DRC7: variants seen among roughly 807,000 people sequenced by gnomAD.
DRC7 encodes the protein dynein regulatory complex subunit 7.
A neutral mutation model predicts 104.4 loss-of-function variants in DRC7; 80 were observed. That is an observed-to-expected ratio of 0.77 (90% confidence interval 0.64 to 0.92). The LOEUF (loss-of-function observed/expected upper bound fraction) is 0.92. Ranked by LOEUF, DRC7 falls within the 40% of genes least tolerant of loss-of-function variation. The pLI is 0.00. For synonymous variants in DRC7, 405 were observed against 447.3 expected (o/e 0.91, Z 1.19); for missense variants, 1,034 against 1,141.1 (o/e 0.91, Z 1.35).
chr16:57,722,924 C>A, intron 11 of DRC7, 78 bp from the exon 12 acceptor site: 1 of 1,612,484 alleles, frequency 6.2e-7, no homozygotes, highest in South Asian at 1.1e-5. Flanking sequence ...CATTGCTGGC[C>A]TCTGTGTGCC....
At chr16:57,705,179 G>C in intron 7 of DRC7, 145 bp downstream of exon 7, 1 of 956,248 alleles carries the variant, frequency 1.0e-6, no homozygotes. Flanking sequence ...CCTCTACCTG[G>C]CCCTGCAGGA....
rs757094425 is a variant in DRC7 at position 57,726,081 on chromosome 16, G to C, written c.1772G>C (p.Arg591Pro). 5.6e-6 allele frequency: 9 copies of C among 1,613,124 alleles called. No individual in the cohort carries two copies. Among genetic ancestry groups the C allele is most frequent in the Admixed American group, 1.7e-5 (1 of 59,996 alleles). The part of the protein sequence containing the change: ...NPRPIVKITE[R>P]FFRNPAKPAE... ...CTGGCCTCCCAGAAAATCACAGAGC[G>C]GTTCTTCCGCAACCCAGCGAAGCCC... Residue 591 changes from arginine (R) to proline (P), a missense_variant, in exon 14 of 19, where the codon CGG (arginine) becomes CCG (proline). Physicochemically the swap from Arg to Pro is moderately radical, Grantham distance 103 (BLOSUM62 -2). Transcript: ENST00000360716.
Position 57,726,153 on chromosome 16 carries a change from G to A in DRC7, c.1844G>A (p.Arg615His), listed in dbSNP as rs766595161. ...CGCGTGTTTCTGGTCGCGGAGGAGC[G>A]CATCCAGCTGCGCTACCACTGCCGT... ...AERVFLVAEE[R>H]IQLRYHCRED... The change falls in exon 14 of 19, where the codon CGC (arginine) becomes CAC (histidine). Residue 615 changes from arginine to histidine, a missense_variant. Physicochemically the swap from Arg to His is conservative, Grantham distance 29. Coordinates refer to ENST00000360716, the MANE Select transcript of DRC7 (RefSeq NM_001289162.2). 13 of 1,613,074 alleles carry A rather than the reference G, an allele frequency of 8.1e-6. No homozygotes were observed. Among genetic ancestry groups the A allele is most frequent in the Non-Finnish European group, 1.1e-5 (13 of 1,180,004 alleles).
intron 9 of DRC7, among the ~76,000 whole-genome samples, chr16:57,718,882 G>A (rs780238405): frequency 6.6e-6 from 1 of 152,092 alleles, no homozygotes; most frequent in Non-Finnish European, 1.5e-5. Flanking sequence ...CCAGCTACTT[G>A]GGAGGCTGAG....
chr16:57,707,687 G>A lies in DRC7; in HGVS notation c.1077+9G>A, dbSNP rs750669256. 2 of 1,612,204 alleles carry A rather than the reference G, an allele frequency of 1.2e-6. No individual in the cohort carries two copies. Among genetic ancestry groups the A allele is most frequent in the Non-Finnish European group, 1.7e-6 (2 of 1,179,424 alleles). On this transcript the variant is annotated intron_variant, in intron 8 of 18. Transcript: ENST00000360716. ...GCTGGAACTGCTGCAAGGTGCCTAG[G>A]GAGGGGGAGCTGGGTGGGTGTGGCA... is the stretch of plus-strand genomic sequence containing the variant.
chr16:57,729,334 ATGGATGGG>A (rs2049017501), intron 17 of DRC7, among the ~76,000 whole-genome samples: 3 of 112,134 alleles, frequency 2.7e-5, no homozygotes, highest in African/African-American at 9.8e-5. Flanking sequence ...GGGTGGATGG[ATGGATGGG>A]TGGATGAGTG....
chr16:57,728,090 A>G (rs1486472815), intron 16 of DRC7, among the ~76,000 whole-genome samples: 16 of 152,272 alleles, frequency 1.1e-4, no homozygotes, highest in African/African-American at 3.9e-4. Context: ...ATGGATTGTC[A>G]GGCATCAGGC....
chr16:57,697,860 G>A lies in DRC7; in HGVS notation c.-37-53G>A, dbSNP rs977199390. ...CGGGGATGCCCAGATGGTGTTGGTGGCTCCTGCCTGGGCTGACAGTCGGCC... is the reference window on the plus strand; with the variant it reads ...CGGGGATGCCCAGATGGTGTTGGTGACTCCTGCCTGGGCTGACAGTCGGCC... On this transcript the variant is annotated intron_variant, in intron 2 of 18. Transcript: ENST00000360716. 2.8e-5 allele frequency: 43 copies of A among 1,530,606 alleles called. No homozygotes were observed. In the Admixed American group the frequency reaches 8.5e-4, roughly 30 times the overall value. The allele number at this position is 1,530,606 out of a possible 1,614,324, so 94.8% of individuals were successfully genotyped here. A position where few individuals can be genotyped will look rare whatever the true frequency, so the allele number is the denominator to read the frequency against.
At chr16:57,725,914 T>G in intron 13 of DRC7, 154 bp from the exon 14 acceptor site, 1 of 660,854 alleles carries the variant, frequency 1.5e-6, no homozygotes, top group Non-Finnish European at 2.7e-6. Flanking sequence ...ACGAAATCCA[T>G]TGTCTGGCTA....
Position 57,701,981 on chromosome 16 carries a change from G to A in DRC7, c.550G>A (p.Gly184Arg), listed in dbSNP as rs2048663474. 3.7e-6 allele frequency: 6 copies of A among 1,614,174 alleles called. No homozygotes were observed. The highest frequency in any genetic ancestry group is 5.1e-6 in the Non-Finnish European group (6 of 1,180,026). Residue 184 changes from glycine (G) to arginine (R), a missense_variant, in exon 6 of 19, where the codon GGG becomes AGG. Coordinates refer to ENST00000360716, the MANE Select transcript of DRC7 (RefSeq NM_001289162.2). ...GACCACTGTGCTCAAGTACCAGAAG[G>A]GGAACTGCTTTGACTTCAGTACGCT... is the stretch of plus-strand genomic sequence containing the variant. ...SSTTVLKYQK[G>R]NCFDFSTLLC...
At chr16:57,714,750 C>A in intron 8 of DRC7, 2 of 448,074 alleles carry the variant, frequency 4.5e-6, no homozygotes, top group South Asian at 3.4e-5. Flanking sequence ...GTATGTTGAC[C>A]TATCCCTTTG....
intron 8 of DRC7, 66 bp downstream of exon 8, chr16:57,707,744 G>C (rs779502865): frequency 7.0e-7 from 1 of 1,432,412 alleles, no homozygotes; most frequent in Non-Finnish European, 9.7e-7. Flanking sequence ...ATAGAGGGAA[G>C]CAATGGCAGC....
chr16:57,723,257 A>G lies in DRC7; in HGVS notation c.1537+127A>G, dbSNP rs1467052149. 4.4e-6 allele frequency: 5 copies of G among 1,143,542 alleles called. No homozygotes were observed. In the African/African-American group the frequency reaches 7.8e-5, roughly 18 times the overall value. The allele number at this position is 1,143,542 out of a possible 1,614,324, so 70.8% of individuals were successfully genotyped here. A position where few individuals can be genotyped will look rare whatever the true frequency, so the allele number is the denominator to read the frequency against. On this transcript the variant is annotated intron_variant, in intron 12 of 18. Transcript: ENST00000360716. The stretch of plus-strand genomic sequence containing the variant: ...ATACATGGGTTCTTGGGCAGCAAGC[A>G]GTAGAAGCTGCCCTGCCTCCCTCAG...
intron 1 of DRC7, among the ~76,000 whole-genome samples, chr16:57,695,710 G>A (rs1196087460): frequency 1.3e-5 from 2 of 152,222 alleles, no homozygotes; most frequent in Non-Finnish European, 2.9e-5. Flanking sequence ...GTCCCCTCCT[G>A]AGTCCCAGAG....
chr16:57,699,858 G>A (rs1415561339), intron 4 of DRC7, among the ~76,000 whole-genome samples: 1 of 152,180 alleles, frequency 6.6e-6, no homozygotes, highest in East Asian at 1.9e-4. Context: ...AAACTTCAAA[G>A]CCCTTCAAAG....
intron 7 of DRC7, among the ~76,000 whole-genome samples, chr16:57,705,990 C>G (rs1277066105): frequency 7.2e-6 from 1 of 139,812 alleles, no homozygotes; most frequent in African/African-American, 2.7e-5. Context: ...ACCATCCTCC[C>G]ATCCATCCAT....
chr16:57,701,564 T>C (rs1358299227), intron 5 of DRC7: 1 of 174,736 alleles, frequency 5.7e-6, no homozygotes, highest in Non-Finnish European at 1.2e-5. Flanking sequence ...AAGGGCAAGG[T>C]CAACAGTGGA....
chr16:57,705,015 A>T lies in DRC7; in HGVS notation c.839A>T (p.Glu280Val), dbSNP rs539625603. The T allele has an allele frequency of 5.6e-6, 9 of 1,612,262 alleles. 1 individual carries two copies. The South Asian group carries it at 9.9e-5, about 18-fold the overall frequency. ...GCCCAGGAGAAGAAGCGGCTGAGGG[A>T]GGAGGAGGAGCGCCTCATGGTGGGT... The part of the protein sequence containing the change: ...IRAQEKKRLR[E>V]EEERLMEAEK... The change falls in exon 7 of 19, where the codon GAG becomes GTG. Residue 280 changes from glutamate (E) to valine (V), a missense_variant. Physicochemically the swap from Glu to Val is moderately radical, Grantham distance 121 (BLOSUM62 -2). Coordinates refer to ENST00000360716, the MANE Select transcript of DRC7 (RefSeq NM_001289162.2).
chr16:57,705,501 T>C (rs1442379081), intron 7 of DRC7, among the ~76,000 whole-genome samples: 6 of 119,086 alleles, frequency 5.0e-5, no homozygotes, highest in South Asian at 3.1e-4. Context: ...TCCATCCTCC[T>C]ACCCAACCTT....
Sources: gnomAD v4.1 joint callset for allele counts (sites outside exome capture counted in the v4.1 genomes callset) on GRCh38, gnomAD v4.1.1 for gene constraint, MANE v1.5 for transcripts, NCBI Gene and HGNC (gene_info 2026-07-23, HGNC 2026-07-21) for gene names.